NUP205: variants seen among roughly 807,000 people sequenced by gnomAD.
NUP205 encodes nucleoporin 205.
In NUP205, 76 loss-of-function variants were observed where a neutral mutation model predicts 253.8. That is an observed-to-expected ratio of 0.30 (90% CI 0.25 to 0.36). The LOEUF is 0.36. Among genes scored for constraint, NUP205 ranks in the 10% least tolerant of loss-of-function variants. NUP205 has a pLI of 1.00. For synonymous variants in NUP205, 832 were observed against 850.1 expected, an observed-to-expected ratio of 0.98 and a Z score of 0.37; for missense variants, 2,162 against 2,425.5, an observed-to-expected ratio of 0.89 and a Z score of 2.28.
chr7:135,560,493 C>A (rs1805554871), intron 1 of NUP205, among the ~76,000 whole-genome samples: 1 of 152,090 alleles, frequency 6.6e-6, no homozygotes, highest in Admixed American at 6.5e-5. Flanking sequence ...AAAAACTAAA[C>A]GTCTTAGGGA....
chr7:135,585,358 T>G (rs1806428862), intron 8 of NUP205, among the ~76,000 whole-genome samples: 1 of 152,174 alleles, frequency 6.6e-6, no homozygotes, highest in Non-Finnish European at 1.5e-5. Flanking sequence ...TGGGGATAAG[T>G]CAGTAGAAAG....
intron 3 of NUP205, 83 bp from the exon 4 acceptor site, chr7:135,576,187 T>G (rs1434453886): frequency 8.2e-7 from 1 of 1,219,032 alleles, no homozygotes; most frequent in South Asian, 1.3e-5. Flanking sequence ...TTCTTTGAAC[T>G]GAACATTGTT....
intron 39 of NUP205, among the ~76,000 whole-genome samples, chr7:135,644,565 G>T (rs1584695672): frequency 6.6e-6 from 1 of 152,240 alleles, no homozygotes; most frequent in East Asian, 1.9e-4. Flanking sequence ...TTCTCCATGG[G>T]ATTGTTATAG....
At chr7:135,562,063 A>T (rs1418135321) in intron 1 of NUP205, among the ~76,000 whole-genome samples, 1 of 151,792 alleles carries the variant, frequency 6.6e-6, no homozygotes, top group East Asian at 1.9e-4. Context: ...ACAGGCCTGA[A>T]CTGCTATGCC....
chr7:135,611,430 G>T (rs1794234042), intron 22 of NUP205, among the ~76,000 whole-genome samples: 1 of 152,108 alleles, frequency 6.6e-6, no homozygotes, highest in African/African-American at 2.4e-5. Flanking sequence ...TTAAGTTTTT[G>T]TTTGTTTATA....
At chr7:135,601,315 G>A in intron 16 of NUP205, 55 bp from the exon 17 acceptor site, 1 of 1,476,538 alleles carries the variant, frequency 6.8e-7, no homozygotes, top group Admixed American at 1.9e-5. Context: ...ATAAATCAAG[G>A]GTGTGACAAA....
At chr7:135,585,876 G>C (rs1372791671) in intron 8 of NUP205, among the ~76,000 whole-genome samples, 3 of 152,116 alleles carry the variant, frequency 2.0e-5, no homozygotes, top group Admixed American at 1.3e-4. Context: ...GTGTATAAAA[G>C]GGCTTCAGCA....
chr7:135,607,018 A>C lies in NUP205; in HGVS notation c.3070+103A>C, dbSNP rs952530716. The C allele has an allele frequency of 4.7e-6, 6 of 1,284,078 alleles. No homozygotes were observed. In the African/African-American group the frequency reaches 8.9e-5, roughly 19 times the overall value. 79.5% of individuals were successfully genotyped at this position (1,284,078 alleles called of 1,614,324 possible). ...CATGGGATAATTCATTGAAAGAAAA[A>C]GTGTAAGAAAGGTAATGTGATGGAT... On this transcript the variant is annotated intron_variant, in intron 21 of 42. Transcript: ENST00000285968.
chr7:135,603,589 A>G (rs927915896), intron 18 of NUP205, among the ~76,000 whole-genome samples: 8 of 150,986 alleles, frequency 5.3e-5, no homozygotes, highest in Non-Finnish European at 1.2e-4. Context: ...GGCTCACTGC[A>G]ACCTTCGCCT....
At chr7:135,615,382 A>T (rs1794334087) in intron 23 of NUP205, among the ~76,000 whole-genome samples, 2 of 152,332 alleles carry the variant, frequency 1.3e-5, no homozygotes, top group South Asian at 4.1e-4. Context: ...CAATAGAGTG[A>T]GACCCTGTCT....
Position 135,638,628 on chromosome 7 carries a change from G to C in NUP205, c.5337G>C (p.Val1779=). 1 of 1,614,014 alleles carries C rather than the reference G, an allele frequency of 6.2e-7. No individual in the cohort carries two copies. The highest frequency in any genetic ancestry group is 8.5e-7 in the Non-Finnish European group (1 of 1,179,938). Residue 1779 remains valine, a synonymous_variant, in exon 38 of 43, where the codon GTG becomes GTC. Coordinates refer to ENST00000285968, the MANE Select transcript of NUP205 (RefSeq NM_015135.3). ...LQSSPTFQHA[V]CLFTPSLSET... is the part of the protein sequence containing the mutation. ...GTTCCCCTACCTTCCAGCATGCTGT[G>C]TGTCTCTTCACTCCTAGCCTTTCAG...
chr7:135,568,394 G>A (rs866197748), intron 1 of NUP205, among the ~76,000 whole-genome samples: 4 of 151,530 alleles, frequency 2.6e-5, no homozygotes, highest in Non-Finnish European at 2.9e-5. Context: ...GTGCAGTGGC[G>A]TGATCTTGGC....
intron 40 of NUP205, 104 bp downstream of exon 40, chr7:135,645,122 A>C (rs1794983026): frequency 7.3e-7 from 1 of 1,369,554 alleles, no homozygotes; most frequent in Non-Finnish European, 1.0e-6. Context: ...GAAGGAGATA[A>C]ACTTAATTTT....
Position 135,645,575 on chromosome 7 carries a change from T to G in NUP205, c.5791T>G (p.Phe1931Val). The G allele has an allele frequency of 2.5e-6, 4 of 1,614,082 alleles. No individual in the cohort carries two copies. The highest frequency in any genetic ancestry group is 3.4e-6 in the Non-Finnish European group (4 of 1,179,994). Reference sequence around the variant, plus strand: ...TTCCTTATTTGCCTCGAGAACCTTGTTTAAAAGCAGAAGACTGCAAGGTAA... The same window carrying G: ...TTCCTTATTTGCCTCGAGAACCTTGGTTAAAAGCAGAAGACTGCAAGGTAA... ...QDSLFASRTL[F>V]KSRRLQDSFA... is the part of the protein sequence containing the mutation. The change falls in exon 41 of 43, where the codon TTT (phenylalanine) becomes GTT (valine). Residue 1931 changes from phenylalanine to valine, a missense_variant. Physicochemically the swap from Phe to Val is conservative, Grantham distance 50. Around this residue, in one of 5 missense-constraint regions of NUP205, gnomAD observed 1,144 missense variants for 1,280.9 expected, o/e 0.89. Transcript: ENST00000285968.
At chr7:135,579,052 T>C (rs1806231137) in intron 7 of NUP205, 137 bp downstream of exon 7, 2 of 541,468 alleles carry the variant, frequency 3.7e-6, no homozygotes, top group Non-Finnish European at 6.0e-6. Flanking sequence ...ATGAAACCTT[T>C]AGTGTAGTAG....
intron 22 of NUP205, among the ~76,000 whole-genome samples, chr7:135,608,329 G>A (rs1794133307): frequency 1.3e-5 from 2 of 152,078 alleles, no homozygotes; most frequent in South Asian, 4.1e-4. Context: ...TGGCCAGAAA[G>A]CACTTTTTAA....
chr7:135,602,118 G>A (rs187135090), intron 17 of NUP205, among the ~76,000 whole-genome samples: 13 of 152,264 alleles, frequency 8.5e-5, no homozygotes, highest in Admixed American at 4.6e-4. Context: ...TTTTTACCAC[G>A]ATGCTATATT....
At chr7:135,627,009 C>T (rs1794604957) in intron 33 of NUP205, among the ~76,000 whole-genome samples, 1 of 152,080 alleles carries the variant, frequency 6.6e-6, no homozygotes, top group South Asian at 2.1e-4. Flanking sequence ...GTTTTACCTC[C>T]AGGGAAAAAC....
chr7:135,624,050 G>A (rs1193108421), intron 31 of NUP205, among the ~76,000 whole-genome samples: 1 of 152,108 alleles, frequency 6.6e-6, no homozygotes, highest in Non-Finnish European at 1.5e-5. Context: ...CCAAAGTGCT[G>A]GGGTTACAGG....
Sources: allele counts gnomAD v4.1 joint callset (sites outside exome capture counted in the v4.1 genomes callset), GRCh38; gene constraint gnomAD v4.1.1; regional missense constraint gnomAD v4.1.1; transcripts MANE v1.5; gene names NCBI Gene and HGNC (gene_info 2026-07-23, HGNC 2026-07-21).